Variants in NSL1 observed in about 807,000 individuals in gnomAD.
The protein encoded by NSL1 is kinetochore-associated protein NSL1 homolog.
Under a neutral mutation model 25.4 loss-of-function variants are expected in NSL1, and 11 were observed. The ratio of observed to expected loss-of-function variants is 0.43; its 90% CI spans 0.27 to 0.72. The LOEUF is 0.72. Among genes scored for constraint, NSL1 ranks in the 30% least tolerant of loss-of-function variants. NSL1 has a pLI of 0.19. For synonymous variants in NSL1, 118 were observed against 120.6 expected (o/e 0.98, Z 0.14); for missense variants, 330 against 342.7 (o/e 0.96, Z 0.29).
At chr1:212,769,661 GAAAACACATAAAAGT>G (rs1185985961) in intron 4 of NSL1, among the ~76,000 whole-genome samples, 1 of 152,034 alleles carries the variant, frequency 6.6e-6, no homozygotes, top group African/African-American at 2.4e-5. Context: ...ACCATCATGT[GAAAACACATAAAAGT>G]ATAAAACTCA....
Position 212,732,269 on chromosome 1 carries a change from A to C in NSL1, c.*6139T>G, listed in dbSNP as rs527862193. On this transcript the variant is annotated 3_prime_UTR_variant, in exon 6 of 6. Transcript: ENST00000366977. ...AGTTAACATTATCACTCGTGTTGTC[A>C]CTTTTATTTTTTTCTGAAAATATCT... The C allele has an allele frequency of 3.9e-5, 38 of 976,086 alleles. No individual in the cohort carries two copies. The highest frequency in any genetic ancestry group is 3.1e-4 in the Admixed American group (5 of 16,146). The allele number at this position is 976,086 out of a possible 1,614,324, so 60.5% of individuals were successfully genotyped here. A position where few individuals can be genotyped will look rare whatever the true frequency, so the allele number is the denominator to read the frequency against.
chr1:212,739,013 T>C (rs562966800), intron 5 of NSL1, among the ~76,000 whole-genome samples: 106 of 152,304 alleles, frequency 7.0e-4, no homozygotes, highest in African/African-American at 2.2e-3. Flanking sequence ...TCTGACTGCC[T>C]TGGCCTCCCA....
At chr1:212,780,242 C>A (rs1198973722) in intron 4 of NSL1, among the ~76,000 whole-genome samples, 1 of 152,060 alleles carries the variant, frequency 6.6e-6, no homozygotes, top group Non-Finnish European at 1.5e-5. Flanking sequence ...GCTGTGTCCA[C>A]TCAGGGTTAA....
chr1:212,743,086 G>T (rs1658578270), intron 4 of NSL1, among the ~76,000 whole-genome samples: 1 of 152,170 alleles, frequency 6.6e-6, no homozygotes, highest in Admixed American at 6.5e-5. Context: ...GGAAAAAACA[G>T]GTATGAAAGT....
At chr1:212,770,590 C>A (rs1660056545) in intron 4 of NSL1, among the ~76,000 whole-genome samples, 1 of 152,242 alleles carries the variant, frequency 6.6e-6, no homozygotes, top group African/African-American at 2.4e-5. Flanking sequence ...GACCAGATGG[C>A]TTTCCTGCTA....
At chr1:212,764,166 G>T in intron 4 of NSL1, 1 of 218,604 alleles carries the variant, frequency 4.6e-6, no homozygotes, top group Non-Finnish European at 9.5e-6. Flanking sequence ...TAAATAATCT[G>T]CTCTTGTATA....
rs1470568448 is a variant in NSL1, at chr1:212,779,546, G to A, written c.499+2826C>T. ...CCCCGCCCAGCCAGCCGCCCCGTCC[G>A]GGAGGGAGGTGGGGGTGTCAGCCCC... On this transcript the variant is annotated intron_variant, in intron 4 of 5. Transcript: ENST00000366977. Among the ~76,000 whole-genome samples, 6 of 106,078 alleles carry A rather than the reference G, an allele frequency of 5.7e-5. 1 individual carries two copies. Among genetic ancestry groups the A allele is most frequent in the East Asian group, 3.0e-4 (1 of 3,378 alleles). The allele number at this position is 106,078 out of a possible 152,430, so 69.6% of individuals were successfully genotyped here. A position where few individuals can be genotyped will look rare whatever the true frequency, so the allele number is the denominator to read the frequency against.
At chr1:212,789,273 G>A (rs186872329) in intron 1 of NSL1, among the ~76,000 whole-genome samples, 37 of 151,916 alleles carry the variant, frequency 2.4e-4, no homozygotes, top group Admixed American at 1.4e-3. Flanking sequence ...GTGCAATGGC[G>A]CAATCTTGGC....
At position 212,732,121 on chromosome 1, in the gene NSL1, T is replaced by C; in HGVS notation, c.*6287A>G. 3 of 984,416 alleles carry C rather than the reference T, an allele frequency of 3.0e-6. No individual in the cohort carries two copies. The highest frequency in any genetic ancestry group is 3.6e-6 in the Non-Finnish European group (3 of 829,134). The allele number at this position is 984,416 out of a possible 1,614,324, so 61.0% of individuals were successfully genotyped here. On this transcript the variant is annotated 3_prime_UTR_variant, in exon 6 of 6. Transcript: ENST00000366977. ...TCACTGGAGAACTAATTTGTAACCA[T>C]GATTACATTTCTTTTTTTGTACAGC... is the stretch of plus-strand genomic sequence containing the variant.
intron 4 of NSL1, among the ~76,000 whole-genome samples, chr1:212,761,289 C>T (rs1659550091): frequency 1.3e-5 from 2 of 152,190 alleles, no homozygotes; most frequent in African/African-American, 2.4e-5. Flanking sequence ...GTGGCTCACC[C>T]CTGTAATCCT....
At chr1:212,750,147 T>C (rs1658998201) in intron 4 of NSL1, among the ~76,000 whole-genome samples, 1 of 151,876 alleles carries the variant, frequency 6.6e-6, no homozygotes, top group Non-Finnish European at 1.5e-5. Flanking sequence ...GCCTAACGTG[T>C]ACAGTAGGTG....
Position 212,732,203 on chromosome 1 carries a change from AATC to A in NSL1, c.*6202_*6204del. The stretch of plus-strand genomic sequence containing the variant: ...TATTTTTTGTTTCTTTGAACATCTT[AATC>A]ATATTACAAAACATCTCCTTTATAC... On this transcript the variant is annotated 3_prime_UTR_variant, in exon 6 of 6. Coordinates refer to ENST00000366977, the MANE Select transcript of NSL1 (RefSeq NM_015471.4). The A allele has an allele frequency of 1.0e-6, 1 of 982,960 alleles. No individual in the cohort carries two copies. Among genetic ancestry groups the A allele is most frequent in the Non-Finnish European group, 1.2e-6 (1 of 827,960 alleles). The allele number at this position is 982,960 out of a possible 1,614,324, so 60.9% of individuals were successfully genotyped here.
At position 212,728,589 on chromosome 1, in the gene NSL1, TTTATG is replaced by T; in HGVS notation, c.*9814_*9818del. ...GAGGGATAGAAATGAGAAAAGGAGTTTTATGTTAGGAAAAAAATGGTTTCTGAGAA... is the reference window on the plus strand; with the variant it reads ...GAGGGATAGAAATGAGAAAAGGAGTTTTAGGAAAAAAATGGTTTCTGAGAA... On this transcript the variant is annotated 3_prime_UTR_variant, in exon 6 of 6. Coordinates refer to ENST00000366977, the MANE Select transcript of NSL1 (RefSeq NM_015471.4). The T allele has an allele frequency of 1.0e-6, 1 of 985,440 alleles. No homozygotes were observed. The highest frequency in any genetic ancestry group is 1.2e-6 in the Non-Finnish European group (1 of 829,924). The allele number at this position is 985,440 out of a possible 1,614,324, so 61.0% of individuals were successfully genotyped here. A position where few individuals can be genotyped will look rare whatever the true frequency, so the allele number is the denominator to read the frequency against.
intron 4 of NSL1, chr1:212,782,109 T>A: frequency 1.5e-6 from 1 of 683,352 alleles, no homozygotes; most frequent in African/African-American, 1.7e-5. Context: ...AAGTTAGAGA[T>A]GGGTATGTGT....
At chr1:212,755,876 C>T (rs757316411) in intron 4 of NSL1, among the ~76,000 whole-genome samples, 39 of 152,036 alleles carry the variant, frequency 2.6e-4, no homozygotes, top group African/African-American at 4.1e-4. Context: ...GTTAGAGCTA[C>T]GGCAGTCGAA....
At chr1:212,775,213 A>C (rs1660305989) in intron 4 of NSL1, among the ~76,000 whole-genome samples, 2 of 152,344 alleles carry the variant, frequency 1.3e-5, no homozygotes, top group Non-Finnish European at 2.9e-5. Flanking sequence ...AGAGATAGAA[A>C]GTACATTAGT....
At chr1:212,759,467 G>A (rs925933043) in intron 4 of NSL1, among the ~76,000 whole-genome samples, 19 of 152,132 alleles carry the variant, frequency 1.2e-4, no homozygotes, top group African/African-American at 4.3e-4. Flanking sequence ...CATTTCTACT[G>A]CAGAATCCTG....
Position 212,728,723 on chromosome 1 carries a change from A to T in NSL1, c.*9685T>A, listed in dbSNP as rs1657887472. 1.0e-6 allele frequency: 1 copy of T among 985,330 alleles called. No homozygotes were observed. The allele number at this position is 985,330 out of a possible 1,614,324, so 61.0% of individuals were successfully genotyped here. On this transcript the variant is annotated 3_prime_UTR_variant, in exon 6 of 6. Transcript: ENST00000366977. ...GGAGAATGGAACACCTTCACAGACA[A>T]CATCAGGGATAAACCTGATCACCGT...
chr1:212,736,899 T>C lies in NSL1; in HGVS notation c.*1509A>G, dbSNP rs1016420345. 4.1e-6 allele frequency: 4 copies of C among 984,616 alleles called. No individual in the cohort carries two copies. The highest frequency in any genetic ancestry group is 4.8e-6 in the Non-Finnish European group (4 of 829,268). The allele number at this position is 984,616 out of a possible 1,614,324, so 61.0% of individuals were successfully genotyped here. On this transcript the variant is annotated 3_prime_UTR_variant, in exon 6 of 6. Transcript: ENST00000366977. ...AAAAGGGAGGGACCATGTTCTTATA[T>C]AATCAAAATGCAAGTAGCTTATATA...
Sources: allele counts gnomAD v4.1 joint callset (sites outside exome capture counted in the v4.1 genomes callset), GRCh38; gene constraint gnomAD v4.1.1; transcripts MANE v1.5; gene names NCBI Gene and HGNC (gene_info 2026-07-23, HGNC 2026-07-21).